Variants in LACTB observed in about 807,000 individuals in gnomAD.
The protein encoded by LACTB is serine beta-lactamase-like protein LACTB, mitochondrial.
A neutral mutation model predicts 50.2 loss-of-function variants in LACTB; 35 were observed. The ratio of observed to expected loss-of-function variants is 0.70; its 90% CI spans 0.53 to 0.92. The LOEUF (loss-of-function observed/expected upper bound fraction) is 0.92, where lower values mean the gene tolerates loss of function less well. Among genes scored for constraint, LACTB ranks in the 40% least tolerant of loss-of-function variants. The pLI, the probability that LACTB is intolerant of heterozygous loss-of-function variation, is 0.00. For synonymous variants in LACTB, 252 were observed against 268.2 expected (o/e 0.94, Z 0.59); for missense variants, 664 against 691.8 (o/e 0.96, Z 0.45).
rs1441094580 is a variant in LACTB at position 63,126,902 on chromosome 15, A to C, written c.468A>C (p.Pro156=). 6.2e-7 allele frequency: 1 copy of C among 1,612,836 alleles called. No homozygotes were observed. Among genetic ancestry groups the C allele is most frequent in the Non-Finnish European group, 8.5e-7 (1 of 1,179,296 alleles). ...ADVENRVPCK[P]ETVMRIASIS... The stretch of plus-strand genomic sequence containing the variant: ...TTGAGAACCGTGTACCATGTAAACC[A>C]GAGACAGTTATGCGAATTGCTAGCA... Residue 156 remains proline (P), a synonymous_variant, in exon 3 of 6, where the codon CCA becomes CCC. Coordinates refer to ENST00000261893, the MANE Select transcript of LACTB (RefSeq NM_032857.5).
intron 5 of LACTB, among the ~76,000 whole-genome samples, chr15:63,136,123 C>G (rs1169279509): frequency 6.6e-6 from 1 of 151,838 alleles, no homozygotes; most frequent in African/African-American, 2.4e-5. Flanking sequence ...CTCACTGCAG[C>G]CTTGAACTCC....
rs2036980750 is a variant in LACTB, at chr15:63,122,136, GC to G, written c.269del (p.Pro90ArgfsTer38). ...LAEPPQEQSL[A>X]PWSPQTPAPP... ...CGAGCCGCCACAGGAGCAGTCCCTCGCCCCGTGGTCTCCGCAGACCCCGGCG... is the reference window on the plus strand; with the variant it reads ...CGAGCCGCCACAGGAGCAGTCCCTCGCCCGTGGTCTCCGCAGACCCCGGCG... On this transcript the variant is annotated frameshift_variant, in exon 1 of 6. Coordinates refer to ENST00000261893, the MANE Select transcript of LACTB (RefSeq NM_032857.5). LOFTEE classifies it high-confidence loss of function. The G allele has an allele frequency of 2.7e-6, 4 of 1,498,048 alleles. No homozygotes were observed. Among genetic ancestry groups the G allele is most frequent in the Non-Finnish European group, 3.5e-6 (4 of 1,131,518 alleles). 92.8% of individuals were successfully genotyped at this position (1,498,048 alleles called of 1,614,324 possible).
intron 5 of LACTB, chr15:63,130,898 A>G (rs1292286277): frequency 6.6e-6 from 1 of 152,244 alleles, no homozygotes; most frequent in African/African-American, 2.4e-5. Flanking sequence ...TTTAGCATCT[A>G]TCAGTGATTC....
At chr15:63,138,847 C>A (rs1348291852) in intron 5 of LACTB, among the ~76,000 whole-genome samples, 1 of 151,922 alleles carries the variant, frequency 6.6e-6, no homozygotes, top group Non-Finnish European at 1.5e-5. Context: ...TCTGACCAGC[C>A]TGGCCAACAT....
At chr15:63,123,788 T>C (rs1005278332) in intron 2 of LACTB, among the ~76,000 whole-genome samples, 1 of 152,162 alleles carries the variant, frequency 6.6e-6, no homozygotes, top group African/African-American at 2.4e-5. Context: ...TCAGAGACTT[T>C]TAGTACTTTC....
At chr15:63,123,351 T>C (rs983743619) in intron 2 of LACTB, among the ~76,000 whole-genome samples, 2 of 152,224 alleles carry the variant, frequency 1.3e-5, no homozygotes, top group African/African-American at 4.8e-5. Flanking sequence ...GAAGTTTTCT[T>C]TTTTAATTAA....
intron 5 of LACTB, chr15:63,130,520 A>AT (rs2037118434): frequency 7.9e-6 from 1 of 126,878 alleles, no homozygotes; most frequent in Non-Finnish European, 1.9e-5. Flanking sequence ...AAAAGGAAAA[A>AT]AAAAAAAAAA....
In LACTB at chr15:63,141,440, A is replaced by G. The variant is rs747339663; in HGVS notation, c.1279A>G (p.Asn427Asp). Residue 427 changes from asparagine to aspartate, a missense_variant, in exon 6 of 6, where the codon AAT becomes GAT. Asn to Asp is a conservative substitution (Grantham distance 23, BLOSUM62 1). Transcript: ENST00000261893. The part of the protein sequence containing the change: ...GYQVGLFKNS[N>D]ENLLPGYLKP... ...CCAAGTTGGGCTGTTTAAGAACTCA[A>G]ATGAAAATCTTTTACCTGGATACCT... The G allele has an allele frequency of 7.4e-6, 12 of 1,614,100 alleles. No homozygotes were observed. The highest frequency in any genetic ancestry group is 1.0e-5 in the Non-Finnish European group (12 of 1,180,048).
intron 1 of LACTB, 142 bp from the exon 2 acceptor site, chr15:63,122,494 T>A (rs1464540399): frequency 1.0e-5 from 8 of 776,306 alleles, no homozygotes; most frequent in East Asian, 5.3e-5. Flanking sequence ...TGAGTGACCA[T>A]GGCCTGGGAC....
chr15:63,139,115 G>A (rs1418799490), intron 5 of LACTB, among the ~76,000 whole-genome samples: 1 of 147,618 alleles, frequency 6.8e-6, no homozygotes. Flanking sequence ...TTGGGAGGCC[G>A]AGGCAGGCAG....
intron 5 of LACTB, among the ~76,000 whole-genome samples, chr15:63,136,264 T>C (rs1038995821): frequency 6.6e-6 from 1 of 152,198 alleles, no homozygotes; most frequent in African/African-American, 2.4e-5. Context: ...GCTGATCTCC[T>C]GACCTCAAAT....
At chr15:63,125,159 A>T (rs995545003) in intron 2 of LACTB, among the ~76,000 whole-genome samples, 2 of 136,062 alleles carry the variant, frequency 1.5e-5, no homozygotes, top group Admixed American at 8.1e-5. Flanking sequence ...GTGTCTCTAT[A>T]AAAAAAATTT....
chr15:63,122,622 C>A lies in LACTB; in HGVS notation c.358-14C>A. 6.2e-7 allele frequency: 1 copy of A among 1,608,308 alleles called. No homozygotes were observed. On this transcript the variant is annotated splice_polypyrimidine_tract_variant and intron_variant, in intron 1 of 5. Coordinates refer to ENST00000261893, the MANE Select transcript of LACTB (RefSeq NM_032857.5). ...CAGGCCCGTAACTGTCGGTTCTTTCCCCTTCGGTCTTAGGATGAGGTGGGC... is the reference window on the plus strand; with the variant it reads ...CAGGCCCGTAACTGTCGGTTCTTTCACCTTCGGTCTTAGGATGAGGTGGGC...
intron 5 of LACTB, among the ~76,000 whole-genome samples, chr15:63,132,242 T>G (rs988937258): frequency 6.6e-5 from 10 of 152,176 alleles, no homozygotes; most frequent in African/African-American, 2.4e-4. Context: ...GTCTCTTGTT[T>G]CCATCTTTAT....
chr15:63,135,393 C>T (rs1462836194), intron 5 of LACTB, among the ~76,000 whole-genome samples: 1 of 152,194 alleles, frequency 6.6e-6, no homozygotes, highest in East Asian at 1.9e-4. Context: ...CTGTGGTTCT[C>T]AACTACTTCA....
intron 4 of LACTB, among the ~76,000 whole-genome samples, chr15:63,128,075 A>AAATG (rs1178705967): frequency 3.3e-5 from 5 of 152,270 alleles, no homozygotes; most frequent in Non-Finnish European, 5.9e-5. Context: ...TTTCTTAAAG[A>AAATG]AATGAGTGTT....
chr15:63,134,212 AG>A (rs2037156290), intron 5 of LACTB, among the ~76,000 whole-genome samples: 1 of 152,010 alleles, frequency 6.6e-6, no homozygotes, highest in Non-Finnish European at 1.5e-5. Flanking sequence ...GTTGAGTACC[AG>A]GATTTCTTTT....
chr15:63,125,607 A>C (rs2037042579), intron 2 of LACTB, among the ~76,000 whole-genome samples: 1 of 152,132 alleles, frequency 6.6e-6, no homozygotes, highest in South Asian at 2.1e-4. Flanking sequence ...TATTTTTTAG[A>C]TATTTAAGAT....
chr15:63,122,003 C>CGGGCTG lies in LACTB; in HGVS notation c.146_151dup (p.Gly49_Leu50dup), dbSNP rs1566988295. On this transcript the variant is annotated inframe_insertion, in exon 1 of 6. Coordinates refer to ENST00000261893, the MANE Select transcript of LACTB (RefSeq NM_032857.5). ...TCGGCCACGGCTGGGTCGGGGGCCT[C>CGGGCTG]GGGCTGGGGCTGGGGCTGGCGCTCG... The CGGGCTG allele has an allele frequency of 4.4e-6, 6 of 1,367,078 alleles. No homozygotes were observed. Among genetic ancestry groups the CGGGCTG allele is most frequent in the East Asian group, 6.1e-5 (2 of 32,650 alleles). 84.7% of individuals were successfully genotyped at this position (1,367,078 alleles called of 1,614,324 possible).
Sources: gnomAD v4.1 joint callset for allele counts (sites outside exome capture counted in the v4.1 genomes callset) on GRCh38, gnomAD v4.1.1 for gene constraint, MANE v1.5 for transcripts, NCBI Gene and HGNC (gene_info 2026-07-23, HGNC 2026-07-21) for gene names.